The following ANXA6 variants were observed in gnomAD, a reference collection of about 807,000 sequenced individuals.
ANXA6 encodes annexin A6, also known as 67 kDa calelectrin.
A neutral mutation model predicts 95.4 loss-of-function variants in ANXA6; 71 were observed. That is an observed-to-expected ratio of 0.74 (90% CI 0.61 to 0.91). The LOEUF is 0.91. Ranked by LOEUF, ANXA6 falls within the 40% of genes least tolerant of loss-of-function variation. The pLI, the probability that ANXA6 is intolerant of heterozygous loss-of-function variation, is 0.00. For synonymous variants in ANXA6, 289 were observed against 315.9 expected (o/e 0.91, Z 0.90); for missense variants, 830 against 876.4 (o/e 0.95, Z 0.67).
intron 20 of ANXA6, among the ~76,000 whole-genome samples, chr5:151,114,920 T>C (rs1764956730): frequency 6.6e-6 from 1 of 152,214 alleles, no homozygotes; most frequent in Non-Finnish European, 1.5e-5. Context: ...CAAGTACTCA[T>C]GTGCGTTATC....
At chr5:151,112,655 A>G (rs1410369866) in intron 20 of ANXA6, among the ~76,000 whole-genome samples, 1 of 152,148 alleles carries the variant, frequency 6.6e-6, no homozygotes, top group Admixed American at 6.5e-5. Flanking sequence ...AACGTGGAGA[A>G]ACCCTACTCT....
chr5:151,114,732 T>C (rs1764948395), intron 20 of ANXA6, among the ~76,000 whole-genome samples: 1 of 151,472 alleles, frequency 6.6e-6, no homozygotes, highest in Admixed American at 6.6e-5. Context: ...TTGCTCTAAT[T>C]GGACAACAGA....
chr5:151,123,759 G>A (rs2113918447), intron 15 of ANXA6, among the ~76,000 whole-genome samples: 2 of 152,328 alleles, frequency 1.3e-5, no homozygotes, highest in South Asian at 4.1e-4. Flanking sequence ...GTCCCAGGCT[G>A]GACTTTCTGA....
intron 14 of ANXA6, among the ~76,000 whole-genome samples, chr5:151,124,583 G>C (rs961267911): frequency 6.6e-6 from 1 of 152,198 alleles, no homozygotes; most frequent in African/African-American, 2.4e-5. Context: ...AAGATATAGA[G>C]AGAGGGAGAG....
chr5:151,111,704 T>C (rs1309902801), intron 20 of ANXA6, among the ~76,000 whole-genome samples: 1 of 152,228 alleles, frequency 6.6e-6, no homozygotes, highest in Non-Finnish European at 1.5e-5. Flanking sequence ...TTCTCCTGCC[T>C]CAGCCTCCTG....
intron 1 of ANXA6, among the ~76,000 whole-genome samples, chr5:151,148,672 T>C (rs1412540280): frequency 6.6e-6 from 1 of 152,156 alleles, no homozygotes; most frequent in Non-Finnish European, 1.5e-5. Flanking sequence ...AGATAAGAAC[T>C]ACAGAGAAAA....
At chr5:151,151,915 G>C (rs914521755) in intron 1 of ANXA6, among the ~76,000 whole-genome samples, 1 of 152,178 alleles carries the variant, frequency 6.6e-6, no homozygotes. Context: ...CTGATCATTC[G>C]TGAAACCCAC....
At chr5:151,124,474 A>C in intron 14 of ANXA6, 107 bp from the exon 15 acceptor site, 1 of 1,057,724 alleles carries the variant, frequency 9.5e-7, no homozygotes, top group Non-Finnish European at 1.4e-6. Context: ...GCCCAAACCA[A>C]GCGGCGTGGG....
chr5:151,120,962 A>T (rs1266919141), intron 17 of ANXA6, among the ~76,000 whole-genome samples: 1 of 151,826 alleles, frequency 6.6e-6, no homozygotes, highest in Non-Finnish European at 1.5e-5. Flanking sequence ...CCCACTTGGA[A>T]ACTTTGAAAA....
chr5:151,122,649 CT>C (rs2113916837), intron 16 of ANXA6, among the ~76,000 whole-genome samples: 1 of 152,348 alleles, frequency 6.6e-6, no homozygotes, highest in African/African-American at 2.4e-5. Flanking sequence ...CTGAAAACAA[CT>C]CATAGCCCTG....
Position 151,128,189 on chromosome 5 carries a change from TC to T in ANXA6, c.968del (p.Gly323GlufsTer29), listed in dbSNP as rs1561576542. On this transcript the variant is annotated frameshift_variant, in exon 13 of 26. Transcript: ENST00000354546. LOFTEE classifies it high-confidence loss of function. ...GCCAAGAAGCCACTTACTCATCATC[TC>T]CCCCAGACAGCTTCAGCAGAGTCTT... The part of the protein sequence containing the change: ...YKKTLLKLSG[G>X]DDDAAGQFFP... The T allele has an allele frequency of 1.2e-6, 2 of 1,611,986 alleles. No individual in the cohort carries two copies. The highest frequency in any genetic ancestry group is 1.7e-6 in the Non-Finnish European group (2 of 1,179,240).
intron 6 of ANXA6, 87 bp from the exon 7 acceptor site, chr5:151,136,422 G>T: frequency 7.6e-7 from 1 of 1,320,288 alleles, no homozygotes; most frequent in Non-Finnish European, 1.1e-6. Context: ...AAAATGATCA[G>T]ATATTTTTAA....
chr5:151,146,404 T>C (rs773519866), intron 2 of ANXA6, among the ~76,000 whole-genome samples: 8 of 152,200 alleles, frequency 5.3e-5, no homozygotes, highest in Non-Finnish European at 7.3e-5. Flanking sequence ...TACTCCTCAG[T>C]GGCTGTGAGG....
intron 2 of ANXA6, chr5:151,141,735 C>T: frequency 9.1e-6 from 9 of 985,078 alleles, no homozygotes; most frequent in Non-Finnish European, 1.1e-5. Flanking sequence ...GAAAGGAACA[C>T]AGCTCTCTTC....
At chr5:151,101,622 T>G in intron 25 of ANXA6, 115 bp from the exon 26 acceptor site, 1 of 861,094 alleles carries the variant, frequency 1.2e-6, no homozygotes, top group Non-Finnish European at 1.9e-6. Context: ...ATGACCAACA[T>G]AGGATCCCAT....
intron 1 of ANXA6, among the ~76,000 whole-genome samples, chr5:151,150,762 A>G (rs1241339893): frequency 6.6e-6 from 1 of 152,114 alleles, no homozygotes; most frequent in African/African-American, 2.4e-5. Context: ...CTACCCCGGG[A>G]TGAGGCTGGA....
intron 14 of ANXA6, among the ~76,000 whole-genome samples, chr5:151,124,579 T>C (rs1015241342): frequency 4.1e-4 from 62 of 151,422 alleles, no homozygotes; most frequent in African/African-American, 1.5e-3. Flanking sequence ...CAGAAAGATA[T>C]AGAGAGAGGG....
intron 1 of ANXA6, among the ~76,000 whole-genome samples, chr5:151,156,218 T>C (rs946821419): frequency 6.6e-6 from 1 of 152,112 alleles, no homozygotes; most frequent in Admixed American, 6.5e-5. Context: ...CCCATCCAAC[T>C]CCCAGAATCC....
intron 11 of ANXA6, among the ~76,000 whole-genome samples, chr5:151,130,222 GT>G (rs141209191): frequency 0.11 from 16,902 of 149,608 alleles, 1,290 homozygotes; most frequent in Middle Eastern, 0.28. Context: ...ACTGTTATAA[GT>G]TTTTTTTTTC....
Sources: allele counts gnomAD v4.1 joint callset (sites outside exome capture counted in the v4.1 genomes callset), GRCh38; gene constraint gnomAD v4.1.1; transcripts MANE v1.5; gene names NCBI Gene and HGNC (gene_info 2026-07-23, HGNC 2026-07-21).